RHOT1: variants seen among roughly 807,000 people sequenced by gnomAD.
RHOT1 encodes ras homolog family member T1, also known as mitochondrial Rho GTPase 1.
A neutral mutation model predicts 95.3 loss-of-function variants in RHOT1; 27 were observed. The ratio of observed to expected loss-of-function variants is 0.28; its 90% CI spans 0.21 to 0.39. The LOEUF is 0.39. Among genes scored for constraint, RHOT1 ranks in the 10% least tolerant of loss-of-function variants. RHOT1 has a pLI of 1.00. For missense variants in RHOT1, 578 were observed against 786.7 expected, an observed-to-expected ratio of 0.73 and a Z score of 3.17; for synonymous variants, 227 against 263.5, an observed-to-expected ratio of 0.86 and a Z score of 1.34.
intron 1 of RHOT1, among the ~76,000 whole-genome samples, chr17:32,155,448 C>T (rs574125436): frequency 6.6e-6 from 1 of 151,890 alleles, no homozygotes; most frequent in Non-Finnish European, 1.5e-5. Flanking sequence ...GTTTGAGCCA[C>T]TGCGCCCAGC....
chr17:32,148,397 G>C lies in RHOT1; in HGVS notation c.37+5668G>C, dbSNP rs549317448. Among the ~76,000 whole-genome samples the C allele has an allele frequency of 3.9e-5, 6 of 152,368 alleles. No homozygotes were observed. The South Asian group carries it at 1.0e-3, about 26-fold the overall frequency. On this transcript the variant is annotated intron_variant, in intron 1 of 19. Coordinates refer to ENST00000545287, the MANE Select transcript of RHOT1 (RefSeq NM_001033566.3). Reference sequence around the variant, plus strand: ...GGCCATAGAGTCCATTCTGCATAAAGAGTCTATTCTGTTCGTACAGAGTCC... The same window carrying C: ...GGCCATAGAGTCCATTCTGCATAAACAGTCTATTCTGTTCGTACAGAGTCC...
At chr17:32,201,806 T>C (rs1274320323) in intron 14 of RHOT1, among the ~76,000 whole-genome samples, 1 of 152,220 alleles carries the variant, frequency 6.6e-6, no homozygotes, top group Non-Finnish European at 1.5e-5. Flanking sequence ...CCCATAATTA[T>C]ATATTTTTAT....
intron 1 of RHOT1, among the ~76,000 whole-genome samples, chr17:32,169,851 C>G (rs1402463545): frequency 6.6e-6 from 1 of 151,320 alleles, no homozygotes; most frequent in Non-Finnish European, 1.5e-5. Flanking sequence ...ATTAAAAATA[C>G]AAAAAAAATT....
Position 32,183,281 on chromosome 17 carries a change from CTG to C in RHOT1, c.540+13_540+14del. 1 of 1,416,288 alleles carries C rather than the reference CTG, an allele frequency of 7.1e-7. No homozygotes were observed. The highest frequency in any genetic ancestry group is 9.3e-7 in the Non-Finnish European group (1 of 1,070,164). 87.7% of individuals were successfully genotyped at this position (1,416,288 alleles called of 1,614,324 possible). A position where few individuals can be genotyped will look rare whatever the true frequency, so the allele number is the denominator to read the frequency against. ...GCCCAGAGGAGAAGGAGGTAACAGG[CTG>C]TGTTTATAGGGGCTGGAATGTGTAT... On this transcript the variant is annotated intron_variant, in intron 8 of 19. Coordinates refer to ENST00000545287, the MANE Select transcript of RHOT1 (RefSeq NM_001033566.3).
intron 8 of RHOT1, among the ~76,000 whole-genome samples, chr17:32,188,938 A>G (rs1446612484): frequency 6.6e-6 from 1 of 152,106 alleles, no homozygotes; most frequent in African/African-American, 2.4e-5. Flanking sequence ...CTTCTTTCTA[A>G]TTTACTCCGA....
chr17:32,218,768 C>T (rs185996192), intron 19 of RHOT1, among the ~76,000 whole-genome samples: 2 of 152,114 alleles, frequency 1.3e-5, no homozygotes, highest in East Asian at 3.9e-4. Context: ...GAGCTGTGTT[C>T]ATGCCATTGC....
intron 1 of RHOT1, among the ~76,000 whole-genome samples, chr17:32,161,504 G>C (rs1292842456): frequency 6.6e-6 from 1 of 152,188 alleles, no homozygotes; most frequent in Non-Finnish European, 1.5e-5. Context: ...GCAGAATTCA[G>C]GTCCCTCACA....
At chr17:32,163,938 C>G (rs151270855) in intron 1 of RHOT1, among the ~76,000 whole-genome samples, 1 of 151,850 alleles carries the variant, frequency 6.6e-6, no homozygotes, top group South Asian at 2.1e-4. Context: ...AGGTGGATCA[C>G]GAGGTCAAGA....
chr17:32,148,414 A>T (rs775329905), intron 1 of RHOT1, among the ~76,000 whole-genome samples: 11 of 152,266 alleles, frequency 7.2e-5, no homozygotes, highest in Non-Finnish European at 1.5e-4. Context: ...TTCTGTTCGT[A>T]CAGAGTCCTT....
At chr17:32,180,697 CAAAAA>C (rs34530711) in intron 6 of RHOT1, among the ~76,000 whole-genome samples, 5 of 77,732 alleles carry the variant, frequency 6.4e-5, no homozygotes, top group African/African-American at 2.0e-4. Context: ...TGTTTTAAGC[CAAAAA>C]AAAAAAAAAA....
rs182414958 is a variant in RHOT1 at position 32,207,594 on chromosome 17, G to A, written c.1537-513G>A. The A allele has an allele frequency of 1.2e-3, 183 of 154,004 alleles. 1 individual carries two copies. The highest frequency in any genetic ancestry group is 9.7e-3 in the Admixed American group (153 of 15,698). The allele number at this position is 154,004 out of a possible 1,614,324, so 9.5% of individuals were successfully genotyped here. A position where few individuals can be genotyped will look rare whatever the true frequency, so the allele number is the denominator to read the frequency against. Reference sequence around the variant, plus strand: ...ATAAAATAATCTAGTGGAATGTTAGGCAATATTTAAATTAAAAAATAAAAA... The same window carrying A: ...ATAAAATAATCTAGTGGAATGTTAGACAATATTTAAATTAAAAAATAAAAA... On this transcript the variant is annotated intron_variant, in intron 17 of 19. Transcript: ENST00000545287.
chr17:32,146,172 C>T (rs56141017), intron 1 of RHOT1, among the ~76,000 whole-genome samples: 159 of 152,248 alleles, frequency 1.0e-3, no homozygotes, highest in African/African-American at 3.8e-3. Context: ...AGGCTCTGAC[C>T]TGGGCATTAT....
In RHOT1 at chr17:32,211,124, G is replaced by A. The variant is rs1173369123; in HGVS notation, c.1748G>A (p.Arg583Gln). Residue 583 changes from arginine (R) to glutamine (Q), a missense_variant, in exon 19 of 20, where the codon CGG becomes CAG. Coordinates refer to ENST00000545287, the MANE Select transcript of RHOT1 (RefSeq NM_001033566.3). ...LTTMAMYPHA[R>Q]LRCMCTCNRC... ...TCTGTGTGTTTTCGCAGCCATGCCC[G>A]GTTACGCTGTATGTGCACCTGCAAC... The A allele has an allele frequency of 5.0e-6, 8 of 1,605,478 alleles. No homozygotes were observed. In the East Asian group the frequency reaches 6.7e-5, roughly 13 times the overall value.
intron 1 of RHOT1, chr17:32,151,383 G>A: frequency 1.6e-6 from 1 of 624,810 alleles, no homozygotes; most frequent in Non-Finnish European, 2.9e-6. Flanking sequence ...CTGCACTCCA[G>A]TTTGGATGAC....
chr17:32,175,511 C>T, intron 4 of RHOT1, 149 bp downstream of exon 4: 1 of 781,112 alleles, frequency 1.3e-6, no homozygotes, highest in Non-Finnish European at 2.1e-6. Context: ...TCACCCAGTG[C>T]AGTGGCGCAA....
chr17:32,177,717 T>C (rs983558942), intron 6 of RHOT1, among the ~76,000 whole-genome samples: 140 of 140,126 alleles, frequency 1.0e-3, no homozygotes, highest in African/African-American at 3.7e-3. Context: ...ATCACGCCAC[T>C]GCACTCCAGC....
chr17:32,182,983 T>G, intron 7 of RHOT1, 118 bp downstream of exon 7: 1 of 787,154 alleles, frequency 1.3e-6, no homozygotes, highest in East Asian at 2.7e-5. Context: ...TGAAGTCACG[T>G]AAACCAAATA....
Position 32,142,680 on chromosome 17 carries a change from G to T in RHOT1, c.-13G>T. 1.3e-6 allele frequency: 2 copies of T among 1,529,436 alleles called. No individual in the cohort carries two copies. The highest frequency in any genetic ancestry group is 1.8e-6 in the Non-Finnish European group (2 of 1,139,408). 94.7% of individuals were successfully genotyped at this position (1,529,436 alleles called of 1,614,324 possible). A position where few individuals can be genotyped will look rare whatever the true frequency, so the allele number is the denominator to read the frequency against. On this transcript the variant is annotated 5_prime_UTR_variant, in exon 1 of 20. Coordinates refer to ENST00000545287, the MANE Select transcript of RHOT1 (RefSeq NM_001033566.3). Reference sequence around the variant, plus strand: ...TGCGTGCGGGCGGAGGCCGGCCCCCGAGAGCCGCCGACATGAAGAAAGACG... The same window carrying T: ...TGCGTGCGGGCGGAGGCCGGCCCCCTAGAGCCGCCGACATGAAGAAAGACG...
chr17:32,202,936 A>C lies in RHOT1; in HGVS notation c.1332+36A>C, dbSNP rs778919225. The C allele has an allele frequency of 3.1e-6, 5 of 1,593,220 alleles. No homozygotes were observed. In the Admixed American group the frequency reaches 7.3e-5, roughly 23 times the overall value. On this transcript the variant is annotated intron_variant, in intron 15 of 19. Transcript: ENST00000545287. ...TCGTAAAATACAATTTTATCCAACA[A>C]ATTTTTATAGTTACTAGTTTACATA...
Sources: allele counts gnomAD v4.1 joint callset (sites outside exome capture counted in the v4.1 genomes callset), GRCh38; gene constraint gnomAD v4.1.1; transcripts MANE v1.5; gene names NCBI Gene and HGNC (gene_info 2026-07-23, HGNC 2026-07-21).